The following NGEF variants were observed in gnomAD, a reference collection of about 807,000 sequenced individuals.
The protein encoded by NGEF is neuronal guanine nucleotide exchange factor, also known as ephexin-1.
NGEF carries 31 observed loss-of-function variants against 80.9 expected under a neutral mutation model. The ratio of observed to expected loss-of-function variants is 0.38; its 90% CI spans 0.29 to 0.52. The LOEUF is 0.52. Ranked by LOEUF, NGEF falls within the 20% of genes least tolerant of loss-of-function variation. The probability of loss-of-function intolerance (pLI) is 0.84; values close to 1 mark genes in which losing one functional copy is unlikely to be tolerated. For missense variants in NGEF, 709 were observed against 926.2 expected (o/e 0.77, Z 3.04); for synonymous variants, 371 against 370.2 (o/e 1.00, Z -0.03).
intron 5 of NGEF, among the ~76,000 whole-genome samples, chr2:232,901,010 GAA>G (rs1692337806): frequency 6.6e-6 from 1 of 152,320 alleles, no homozygotes; most frequent in African/African-American, 2.4e-5. Flanking sequence ...TCACACATTT[GAA>G]AAACAAAAGA....
intron 1 of NGEF, among the ~76,000 whole-genome samples, chr2:232,988,080 T>TGTGTGA (rs1694574028): frequency 1.3e-5 from 2 of 148,440 alleles, no homozygotes; most frequent in Admixed American, 6.6e-5. Flanking sequence ...TGTGTGTGTG[T>TGTGTGA]GTGAGTGACA....
At chr2:232,961,312 C>G (rs1416025135) in intron 3 of NGEF, among the ~76,000 whole-genome samples, 2 of 152,122 alleles carry the variant, frequency 1.3e-5, no homozygotes, top group Non-Finnish European at 2.9e-5. Flanking sequence ...GACTCAGACT[C>G]TAACTACACT....
In NGEF at chr2:233,013,148, G is replaced by A. The variant is rs947975287; in HGVS notation, c.-155C>T. On this transcript the variant is annotated 5_prime_UTR_variant, in exon 1 of 15. Coordinates refer to ENST00000264051, the MANE Select transcript of NGEF (RefSeq NM_019850.3). Reference sequence around the variant, plus strand: ...TCCCCTGTCCTGTCCAGGCACCTGCGAGCAGGATGGTGTGTCCCCGGCTAA... The same window carrying A: ...TCCCCTGTCCTGTCCAGGCACCTGCAAGCAGGATGGTGTGTCCCCGGCTAA... 3 of 471,102 alleles carry A rather than the reference G, an allele frequency of 6.4e-6. No homozygotes were observed. Among genetic ancestry groups the A allele is most frequent in the Admixed American group, 2.3e-5 (1 of 42,554 alleles). 29.2% of individuals were successfully genotyped at this position (471,102 alleles called of 1,614,324 possible).
chr2:232,980,091 G>T (rs542634374), intron 1 of NGEF, among the ~76,000 whole-genome samples: 1 of 152,292 alleles, frequency 6.6e-6, no homozygotes, highest in African/African-American at 2.4e-5. Context: ...AGATGCTGTT[G>T]TAACTGTGGG....
At position 232,940,110 on chromosome 2, in the gene NGEF, T is replaced by C. The variant is rs148658489; in HGVS notation, c.384-12924A>G. Among the ~76,000 whole-genome samples, 678 of 152,294 alleles carry C rather than the reference T, an allele frequency of 4.5e-3. 7 individuals carry two copies. Among genetic ancestry groups the C allele is most frequent in the African/African-American group, 0.016 (650 of 41,558 alleles). On this transcript the variant is annotated intron_variant, in intron 3 of 14. Coordinates refer to ENST00000264051, the MANE Select transcript of NGEF (RefSeq NM_019850.3). ...GTGTGACGTGCCACTAAAATCCTTG[T>C]TTCTGGGTCCTTGACTTTGTAATGT... is the stretch of plus-strand genomic sequence containing the variant.
At chr2:232,905,355 C>CGGCCTCCAGAGGT (rs1559202722) in intron 5 of NGEF, among the ~76,000 whole-genome samples, 1 of 152,170 alleles carries the variant, frequency 6.6e-6, no homozygotes, top group East Asian at 1.9e-4. Flanking sequence ...CCGCCAGCCT[C>CGGCCTCCAGAGGT]GGCCTCCCGA....
chr2:232,904,925 AGAGT>A (rs1455483963), intron 5 of NGEF, among the ~76,000 whole-genome samples: 1 of 152,234 alleles, frequency 6.6e-6, no homozygotes, highest in Admixed American at 6.5e-5. Context: ...CCTGGGCCAC[AGAGT>A]GAGACCTTGT....
intron 6 of NGEF, among the ~76,000 whole-genome samples, chr2:232,894,093 G>A (rs979548918): frequency 6.6e-6 from 1 of 152,234 alleles, no homozygotes; most frequent in African/African-American, 2.4e-5. Flanking sequence ...GCTTCTGGCT[G>A]CAAAACTCCA....
chr2:232,940,047 A>G (rs190731193), intron 3 of NGEF, among the ~76,000 whole-genome samples: 4 of 152,074 alleles, frequency 2.6e-5, no homozygotes, highest in Admixed American at 2.6e-4. Flanking sequence ...TGTTTTGGGT[A>G]GGGATGGGTC....
At chr2:233,011,357 A>C (rs1263488646) in intron 1 of NGEF, among the ~76,000 whole-genome samples, 1 of 152,074 alleles carries the variant, frequency 6.6e-6, no homozygotes, top group Non-Finnish European at 1.5e-5. Flanking sequence ...GCCCATGTAG[A>C]TGGGGAAGGG....
chr2:232,969,472 T>TCTTCCTTCCTTCCTTC (rs1694140421), intron 3 of NGEF, among the ~76,000 whole-genome samples: 1 of 92,724 alleles, frequency 1.1e-5, no homozygotes, highest in African/African-American at 6.3e-5. Flanking sequence ...CTTCCTTCCT[T>TCTTCCTTCCTTCCTTC]CTTCCTTCCT....
At chr2:232,945,290 A>G (rs1693535474) in intron 3 of NGEF, among the ~76,000 whole-genome samples, 1 of 152,064 alleles carries the variant, frequency 6.6e-6, no homozygotes, top group Non-Finnish European at 1.5e-5. Context: ...AAAAGAGGCA[A>G]ATTTTACACT....
rs563569014 is a variant in NGEF at position 232,966,856 on chromosome 2, TG to T, written c.383+3357del. Among the ~76,000 whole-genome samples the T allele has an allele frequency of 8.6e-4, 130 of 150,678 alleles. 1 individual carries two copies. The highest frequency in any genetic ancestry group is 2.7e-3 in the African/African-American group (112 of 40,970). ...TTCTGTTGATACCCTCCAGTGAGGGTGGGGGGGGAGGCGGGTGAGGAGCTAA... is the reference window on the plus strand; with the variant it reads ...TTCTGTTGATACCCTCCAGTGAGGGTGGGGGGGAGGCGGGTGAGGAGCTAA... On this transcript the variant is annotated intron_variant, in intron 3 of 14. Transcript: ENST00000264051.
intron 1 of NGEF, among the ~76,000 whole-genome samples, chr2:232,978,464 G>A (rs968010872): frequency 6.6e-6 from 1 of 152,206 alleles, no homozygotes; most frequent in East Asian, 1.9e-4. Flanking sequence ...GCAGTGAGCC[G>A]AGATTGCGCC....
intron 1 of NGEF, among the ~76,000 whole-genome samples, chr2:233,000,553 T>C (rs6755593): frequency 0.22 from 33,018 of 151,784 alleles, 4,027 homozygotes; most frequent in Non-Finnish European, 0.28. Flanking sequence ...GTCAGGAGAT[T>C]GAGACCATCC....
chr2:232,924,044 C>T (rs1693006224), intron 4 of NGEF, among the ~76,000 whole-genome samples: 1 of 152,050 alleles, frequency 6.6e-6, no homozygotes, highest in Non-Finnish European at 1.5e-5. Flanking sequence ...TGAGACCAGC[C>T]TGGCCAACAT....
intron 3 of NGEF, chr2:232,928,092 G>A: frequency 9.2e-7 from 1 of 1,088,704 alleles, no homozygotes. Flanking sequence ...TGCGGAGCGG[G>A]GTCGCAGCGC....
chr2:232,967,128 A>T (rs1348804596), intron 3 of NGEF, among the ~76,000 whole-genome samples: 2 of 152,074 alleles, frequency 1.3e-5, no homozygotes, highest in Non-Finnish European at 2.9e-5. Context: ...TCTTCGTGAT[A>T]GTGAGTTCTC....
intron 3 of NGEF, among the ~76,000 whole-genome samples, chr2:232,955,689 T>C (rs1230783677): frequency 6.6e-6 from 1 of 152,180 alleles, no homozygotes; most frequent in East Asian, 1.9e-4. Context: ...TGGCTAATTT[T>C]TGTACTTGTA....
Sources: allele counts gnomAD v4.1 joint callset (sites outside exome capture counted in the v4.1 genomes callset), GRCh38; gene constraint gnomAD v4.1.1; transcripts MANE v1.5; gene names NCBI Gene and HGNC (gene_info 2026-07-23, HGNC 2026-07-21).